Variants in ATP9B observed in about 807,000 individuals in gnomAD.
ATP9B encodes probable phospholipid-transporting ATPase IIB.
In ATP9B, 110 loss-of-function variants were observed where a neutral mutation model predicts 146.1. That is an observed-to-expected ratio of 0.75 (90% CI 0.65 to 0.88). The LOEUF is 0.88. Ranked by LOEUF, ATP9B falls within the 40% of genes least tolerant of loss-of-function variation. ATP9B has a pLI of 0.00. For missense variants in ATP9B, 1,499 were observed against 1,496.4 expected, an observed-to-expected ratio of 1.00 and a Z score of -0.03; for synonymous variants, 604 against 569.7, an observed-to-expected ratio of 1.06 and a Z score of -0.86.
At chr18:79,232,396 G>C (rs1599120139) in intron 11 of ATP9B, among the ~76,000 whole-genome samples, 1 of 152,020 alleles carries the variant, frequency 6.6e-6, no homozygotes, top group East Asian at 1.9e-4. Context: ...TCTGAGGAAA[G>C]CCCAAAGTCA....
chr18:79,190,523 C>CA (rs2095354685), intron 8 of ATP9B, among the ~76,000 whole-genome samples: 1 of 136,006 alleles, frequency 7.4e-6, no homozygotes, highest in Non-Finnish European at 1.6e-5. Context: ...CACACACACA[C>CA]ACACACACAC....
intron 13 of ATP9B, among the ~76,000 whole-genome samples, chr18:79,301,609 CAA>C (rs2096591160): frequency 6.6e-6 from 1 of 152,216 alleles, no homozygotes; most frequent in Non-Finnish European, 1.5e-5. Context: ...ACTTATTTAA[CAA>C]GAGTAGCATG....
intron 1 of ATP9B, among the ~76,000 whole-genome samples, chr18:79,070,214 GCTT>G (rs1387067788): frequency 2.6e-5 from 4 of 152,152 alleles, no homozygotes; most frequent in Non-Finnish European, 5.9e-5. Context: ...AAAAAGTGTT[GCTT>G]CTTATAGTTT....
At chr18:79,356,203 C>T (rs964058768) in intron 25 of ATP9B, among the ~76,000 whole-genome samples, 1 of 152,100 alleles carries the variant, frequency 6.6e-6, no homozygotes, top group Non-Finnish European at 1.5e-5. Context: ...CCGCCTCACG[C>T]CTGCCAGAAT....
At chr18:79,229,224 G>A (rs2095765468) in intron 11 of ATP9B, among the ~76,000 whole-genome samples, 1 of 152,022 alleles carries the variant, frequency 6.6e-6, no homozygotes, top group Non-Finnish European at 1.5e-5. Flanking sequence ...CTGCACCCTG[G>A]GCACTCTCCC....
chr18:79,093,575 C>G (rs554406735), intron 1 of ATP9B, among the ~76,000 whole-genome samples: 5 of 152,152 alleles, frequency 3.3e-5, no homozygotes, highest in Non-Finnish European at 5.9e-5. Context: ...TAGTAAATTA[C>G]TTTCAGCAAA....
At chr18:79,190,579 T>C (rs1029210074) in intron 8 of ATP9B, among the ~76,000 whole-genome samples, 2 of 151,796 alleles carry the variant, frequency 1.3e-5, no homozygotes, top group Non-Finnish European at 2.9e-5. Flanking sequence ...AGTTTTGCTC[T>C]GTCACCCAGG....
intron 14 of ATP9B, among the ~76,000 whole-genome samples, chr18:79,305,615 T>C (rs570255583): frequency 2.1e-4 from 32 of 152,284 alleles, no homozygotes; most frequent in South Asian, 1.7e-3. Flanking sequence ...AAAAAAATTA[T>C]CTATGAATGT....
In ATP9B at chr18:79,377,405, G is replaced by C. The variant is rs1278929714; in HGVS notation, c.*22G>C. On this transcript the variant is annotated 3_prime_UTR_variant, in exon 30 of 30. Transcript: ENST00000426216. ...CTAAGGGGCTGTGCACCCCCAGCGGGCTGGCCCCAGCACCTTCTGCCCTTC... is the reference window on the plus strand; with the variant it reads ...CTAAGGGGCTGTGCACCCCCAGCGGCCTGGCCCCAGCACCTTCTGCCCTTC... 1.2e-6 allele frequency: 2 copies of C among 1,602,684 alleles called. No homozygotes were observed. Among genetic ancestry groups the C allele is most frequent in the African/African-American group, 2.7e-5 (2 of 74,926 alleles).
At chr18:79,284,834 T>C (rs1448274188) in intron 13 of ATP9B, among the ~76,000 whole-genome samples, 1 of 141,752 alleles carries the variant, frequency 7.1e-6, no homozygotes, top group Admixed American at 7.3e-5. Context: ...TGTGTTCTCA[T>C]TGTTCAGTTC....
intron 10 of ATP9B, among the ~76,000 whole-genome samples, chr18:79,208,864 T>C (rs2095558753): frequency 6.6e-6 from 1 of 152,210 alleles, no homozygotes; most frequent in African/African-American, 2.4e-5. Flanking sequence ...CTGGGCTCTG[T>C]AGGCCTCGAG....
intron 12 of ATP9B, among the ~76,000 whole-genome samples, chr18:79,265,573 T>A (rs2096194649): frequency 6.6e-6 from 1 of 152,208 alleles, no homozygotes; most frequent in Non-Finnish European, 1.5e-5. Context: ...TTAAGTCCCG[T>A]TTAGGTGCTG....
chr18:79,320,441 C>T (rs879324770), intron 15 of ATP9B, among the ~76,000 whole-genome samples: 20 of 152,146 alleles, frequency 1.3e-4, no homozygotes, highest in African/African-American at 3.6e-4. Flanking sequence ...GGCCTGGCTG[C>T]GCGGCCGGCA....
chr18:79,359,311 A>T (rs574818766), intron 25 of ATP9B, 43 bp from the exon 26 acceptor site: 2 of 1,436,784 alleles, frequency 1.4e-6, no homozygotes, highest in East Asian at 4.6e-5. Context: ...GCTGTGTGGT[A>T]GAAGTTTCTC....
chr18:79,207,247 A>C (rs2095543256), intron 10 of ATP9B, among the ~76,000 whole-genome samples: 1 of 152,208 alleles, frequency 6.6e-6, no homozygotes, highest in Non-Finnish European at 1.5e-5. Context: ...GAGGTGCTGC[A>C]GCCTTCGTGC....
At chr18:79,311,309 G>A (rs927779967) in intron 15 of ATP9B, among the ~76,000 whole-genome samples, 4 of 152,148 alleles carry the variant, frequency 2.6e-5, no homozygotes, top group Non-Finnish European at 5.9e-5. Context: ...TGATAAACGG[G>A]TGAATGTGAG....
At chr18:79,130,041 G>A (rs563443513) in intron 5 of ATP9B, among the ~76,000 whole-genome samples, 3 of 152,132 alleles carry the variant, frequency 2.0e-5, no homozygotes, top group East Asian at 1.9e-4. Context: ...TGCACCCGGC[G>A]TATGTCCAGT....
intron 2 of ATP9B, 141 bp from the exon 3 acceptor site, chr18:79,110,214 C>T (rs2075913566): frequency 2.7e-6 from 2 of 741,080 alleles, no homozygotes; most frequent in Middle Eastern, 4.3e-4. Context: ...TAAGAAAAAC[C>T]CCACAAATTA....
intron 11 of ATP9B, among the ~76,000 whole-genome samples, chr18:79,228,348 A>G (rs1049493109): frequency 6.6e-6 from 1 of 152,192 alleles, no homozygotes; most frequent in Non-Finnish European, 1.5e-5. Flanking sequence ...CTGACACAAC[A>G]TTCTTTACAT....
Sources: gnomAD v4.1 joint callset for allele counts (sites outside exome capture counted in the v4.1 genomes callset) on GRCh38, gnomAD v4.1.1 for gene constraint, MANE v1.5 for transcripts, NCBI Gene and HGNC (gene_info 2026-07-23, HGNC 2026-07-21) for gene names.